PTPRD: variants seen among roughly 807,000 people sequenced by gnomAD.
The protein encoded by PTPRD is receptor-type tyrosine-protein phosphatase delta.
In PTPRD, 34 loss-of-function variants were observed where a neutral mutation model predicts 214.5. The observed-to-expected ratio is 0.16, with a 90% CI of 0.12 to 0.21. The LOEUF (loss-of-function observed/expected upper bound fraction) is 0.21. Ranked by LOEUF, PTPRD falls within the 10% of genes least tolerant of loss-of-function variation. The pLI is 1.00. For synonymous variants in PTPRD, 1,128 were observed against 845.7 expected (o/e 1.33, Z -5.79); for missense variants, 2,545 against 2,398.7 (o/e 1.06, Z -1.27).
intron 9 of PTPRD, among the ~76,000 whole-genome samples, chr9:9,345,261 A>T (rs947718296): frequency 6.7e-6 from 1 of 150,262 alleles, no homozygotes; most frequent in Admixed American, 6.6e-5. Flanking sequence ...AATATTAAAC[A>T]TATATTTCAG....
chr9:8,925,646 C>A (rs373782944), intron 11 of PTPRD, among the ~76,000 whole-genome samples: 1 of 127,372 alleles, frequency 7.9e-6, no homozygotes, highest in Admixed American at 9.7e-5. Flanking sequence ...ACTACATCAA[C>A]GTGATATAAA....
chr9:9,633,933 A>C (rs566198238), intron 7 of PTPRD, among the ~76,000 whole-genome samples: 1 of 152,290 alleles, frequency 6.6e-6, no homozygotes, highest in East Asian at 1.9e-4. Context: ...TTCAAATTAG[A>C]AGTCTATGTG....
chr9:9,584,938 T>C (rs2091661953), intron 7 of PTPRD, among the ~76,000 whole-genome samples: 1 of 152,046 alleles, frequency 6.6e-6, no homozygotes, highest in Admixed American at 6.6e-5. Context: ...ATGATGCCCT[T>C]TATTGCACAA....
chr9:10,362,428 C>T (rs1425230684), intron 2 of PTPRD, among the ~76,000 whole-genome samples: 1 of 150,920 alleles, frequency 6.6e-6, no homozygotes, highest in Admixed American at 6.6e-5. Context: ...AGGAACTGAG[C>T]AATGACTGAA....
At chr9:10,070,176 G>A (rs1296884044) in intron 3 of PTPRD, among the ~76,000 whole-genome samples, 1 of 151,974 alleles carries the variant, frequency 6.6e-6, no homozygotes, top group Admixed American at 6.6e-5. Flanking sequence ...TTTTTATGTT[G>A]GCTTTTCTGG....
intron 3 of PTPRD, among the ~76,000 whole-genome samples, chr9:10,074,766 G>T (rs773894885): frequency 3.3e-5 from 5 of 152,078 alleles, no homozygotes; most frequent in African/African-American, 4.8e-5. Context: ...AGAGTAGTGG[G>T]AAGGAAATGA....
chr9:8,976,797 T>A (rs184683578), intron 11 of PTPRD, among the ~76,000 whole-genome samples: 2 of 152,124 alleles, frequency 1.3e-5, no homozygotes, highest in Admixed American at 1.3e-4. Flanking sequence ...TAAATGGAGG[T>A]GGATATTGTT....
At chr9:9,584,959 G>A (rs992571420) in intron 7 of PTPRD, among the ~76,000 whole-genome samples, 2 of 151,896 alleles carry the variant, frequency 1.3e-5, no homozygotes, top group Non-Finnish European at 2.9e-5. Context: ...CCACAAGGAT[G>A]CCAAGACATC....
chr9:8,662,265 C>T (rs772184041), intron 12 of PTPRD, among the ~76,000 whole-genome samples: 1 of 152,142 alleles, frequency 6.6e-6, no homozygotes, highest in Non-Finnish European at 1.5e-5. Flanking sequence ...TCGGTCCCTA[C>T]ATTTGTTACT....
intron 17 of PTPRD, 88 bp downstream of exon 17, chr9:8,526,539 A>T: frequency 8.3e-7 from 1 of 1,198,586 alleles, no homozygotes; most frequent in Non-Finnish European, 1.1e-6. Flanking sequence ...TATTGGAATG[A>T]CGCTGAAAAC....
At chr9:9,962,553 A>G (rs1043098914) in intron 4 of PTPRD, among the ~76,000 whole-genome samples, 4 of 152,076 alleles carry the variant, frequency 2.6e-5, no homozygotes, top group Non-Finnish European at 5.9e-5. Context: ...TATTTAGAAA[A>G]TTGCCTCTGT....
chr9:10,338,154 G>A (rs776849978), intron 3 of PTPRD, among the ~76,000 whole-genome samples: 7 of 151,590 alleles, frequency 4.6e-5, no homozygotes, highest in Non-Finnish European at 7.4e-5. Context: ...CTTGCTAGCA[G>A]TATCAAAGTT....
At chr9:8,578,162 G>A (rs2092669994) in intron 14 of PTPRD, among the ~76,000 whole-genome samples, 1 of 152,154 alleles carries the variant, frequency 6.6e-6, no homozygotes, top group African/African-American at 2.4e-5. Context: ...ATCATGTCAA[G>A]ACGATAGCAG....
At chr9:10,213,187 T>C (rs1564564854) in intron 3 of PTPRD, among the ~76,000 whole-genome samples, 1 of 152,144 alleles carries the variant, frequency 6.6e-6, no homozygotes, top group Non-Finnish European at 1.5e-5. Flanking sequence ...ACTTCATTTT[T>C]TTAACAATAC....
chr9:8,384,234 C>T (rs1324242935), intron 37 of PTPRD, among the ~76,000 whole-genome samples: 1 of 152,026 alleles, frequency 6.6e-6, no homozygotes, highest in Non-Finnish European at 1.5e-5. Context: ...TCATTTTTTC[C>T]AAACAGTTTC....
intron 5 of PTPRD, among the ~76,000 whole-genome samples, chr9:9,847,504 G>A (rs74321897): frequency 0.013 from 2,041 of 151,996 alleles, 27 homozygotes; most frequent in African/African-American, 0.045. Flanking sequence ...TGAAAATAAC[G>A]TCCCTGTTCT....
chr9:9,367,930 A>C (rs1413207989), intron 9 of PTPRD, among the ~76,000 whole-genome samples: 2 of 151,792 alleles, frequency 1.3e-5, no homozygotes, highest in African/African-American at 4.8e-5. Flanking sequence ...CTACTAGCAC[A>C]CATGAGTGCC....
At chr9:9,048,130 A>G (rs2154390951) in intron 10 of PTPRD, among the ~76,000 whole-genome samples, 1 of 152,288 alleles carries the variant, frequency 6.6e-6, no homozygotes, top group South Asian at 2.1e-4. Flanking sequence ...AGAAGGGCTG[A>G]TATCCAAAAG....
intron 8 of PTPRD, among the ~76,000 whole-genome samples, chr9:9,465,493 T>C (rs1008602979): frequency 1.3e-5 from 2 of 152,126 alleles, no homozygotes; most frequent in African/African-American, 4.8e-5. Context: ...AATACATAAA[T>C]GGGTGAGAGC....
Sources: allele counts gnomAD v4.1 joint callset (sites outside exome capture counted in the v4.1 genomes callset), GRCh38; gene constraint gnomAD v4.1.1; transcripts MANE v1.5; gene names NCBI Gene and HGNC (gene_info 2026-07-23, HGNC 2026-07-21).